LRMDA: variants seen among roughly 807,000 people sequenced by gnomAD.
LRMDA encodes the protein leucine rich melanocyte differentiation associated, also known as leucine-rich melanocyte differentiation-associated protein.
LRMDA carries 18 observed loss-of-function variants against 29.8 expected under a neutral mutation model. The observed-to-expected ratio is 0.60, with a 90% CI of 0.42 to 0.90. The LOEUF is 0.90. Ranked by LOEUF, LRMDA falls within the 40% of genes least tolerant of loss-of-function variation. The pLI, the probability that LRMDA is intolerant of heterozygous loss-of-function variation, is 0.00. For synonymous variants in LRMDA, 125 were observed against 109.4 expected, an observed-to-expected ratio of 1.14 and a Z score of -0.89; for missense variants, 273 against 273.9, an observed-to-expected ratio of 1.00 and a Z score of 0.02.
intron 2 of LRMDA, among the ~76,000 whole-genome samples, chr10:75,727,974 G>A (rs1044803921): frequency 1.3e-5 from 2 of 152,120 alleles, no homozygotes; most frequent in Non-Finnish European, 2.9e-5. Context: ...AGGGAAAAAG[G>A]GAAAGAGAAC....
chr10:76,555,085 A>G (rs1843539672), intron 6 of LRMDA, among the ~76,000 whole-genome samples: 3 of 152,152 alleles, frequency 2.0e-5, no homozygotes, highest in Non-Finnish European at 4.4e-5. Flanking sequence ...ATTATGTTTA[A>G]GGAAGCCCTC....
chr10:76,181,443 G>T (rs532206412), intron 5 of LRMDA, among the ~76,000 whole-genome samples: 4 of 152,332 alleles, frequency 2.6e-5, no homozygotes, highest in Non-Finnish European at 4.4e-5. Context: ...CGTCCGAGTT[G>T]CTCATGAGCA....
intron 2 of LRMDA, among the ~76,000 whole-genome samples, chr10:76,001,694 A>G (rs2132469546): frequency 6.6e-6 from 1 of 151,512 alleles, no homozygotes; most frequent in African/African-American, 2.4e-5. Context: ...TTTTTATTTC[A>G]CATTTTAGAG....
chr10:75,606,164 G>A (rs188006302), intron 2 of LRMDA, among the ~76,000 whole-genome samples: 12 of 150,974 alleles, frequency 7.9e-5, no homozygotes. Context: ...GGCCAACCCT[G>A]TTTTCTAATG....
chr10:75,598,647 G>T (rs530149653), intron 2 of LRMDA, among the ~76,000 whole-genome samples: 2 of 152,208 alleles, frequency 1.3e-5, no homozygotes, highest in Admixed American at 6.5e-5. Context: ...ATTTGGTGTG[G>T]TTCAGATCGT....
chr10:76,409,408 C>A (rs972405847), intron 6 of LRMDA, among the ~76,000 whole-genome samples: 6 of 152,130 alleles, frequency 3.9e-5, no homozygotes, highest in Non-Finnish European at 8.8e-5. Context: ...ACCTCTGGCA[C>A]AAATGAGTTA....
chr10:76,422,968 A>G (rs1842085835), intron 6 of LRMDA, among the ~76,000 whole-genome samples: 2 of 152,264 alleles, frequency 1.3e-5, no homozygotes, highest in Non-Finnish European at 2.9e-5. Context: ...TCCTGCCCAC[A>G]AGTGGGCAAA....
At chr10:75,442,174 C>A (rs140468612) in intron 2 of LRMDA, among the ~76,000 whole-genome samples, 1 of 152,344 alleles carries the variant, frequency 6.6e-6, no homozygotes, top group East Asian at 1.9e-4. Flanking sequence ...CTGTAGCATA[C>A]AACATGATGT....
At chr10:76,095,760 T>G (rs1350041695) in intron 5 of LRMDA, among the ~76,000 whole-genome samples, 3 of 152,258 alleles carry the variant, frequency 2.0e-5, no homozygotes, top group Non-Finnish European at 4.4e-5. Context: ...TTGCATTTTC[T>G]TAATGACTAA....
At chr10:75,634,538 T>A (rs1320897289) in intron 2 of LRMDA, among the ~76,000 whole-genome samples, 1 of 152,150 alleles carries the variant, frequency 6.6e-6, no homozygotes, top group African/African-American at 2.4e-5. Flanking sequence ...AGGTGACCAG[T>A]CCTCACCTGG....
chr10:76,227,713 A>G (rs1851986078), intron 5 of LRMDA, among the ~76,000 whole-genome samples: 1 of 152,220 alleles, frequency 6.6e-6, no homozygotes, highest in Non-Finnish European at 1.5e-5. Context: ...ATAGTCTCTC[A>G]TAGTATGTCC....
intron 5 of LRMDA, among the ~76,000 whole-genome samples, chr10:76,315,597 A>G (rs1840683780): frequency 1.8e-5 from 2 of 109,284 alleles, no homozygotes; most frequent in East Asian, 2.0e-4. Flanking sequence ...TTTGGGCGTC[A>G]GTGAGCGCAG....
chr10:75,490,374 C>G (rs1844972460), intron 2 of LRMDA, among the ~76,000 whole-genome samples: 1 of 146,818 alleles, frequency 6.8e-6, no homozygotes, highest in Non-Finnish European at 1.5e-5. Context: ...CACACACACA[C>G]AGAGTCAACT....
chr10:75,892,860 A>G (rs561166092), intron 2 of LRMDA, among the ~76,000 whole-genome samples: 16 of 152,300 alleles, frequency 1.1e-4, no homozygotes, highest in African/African-American at 3.8e-4. Flanking sequence ...TATAGAGCTC[A>G]TCTGGCCAAA....
chr10:76,271,409 GA>G lies in LRMDA; in HGVS notation c.517-52980del, dbSNP rs771344640. On this transcript the variant is annotated intron_variant, in intron 5 of 6. Transcript: ENST00000611255. Reference sequence around the variant, plus strand: ...GGCAGCAGAGTTAGACCCTGTCTTGGAAAAAAAAAAAATTCCTACCTTATAA... The same window carrying G: ...GGCAGCAGAGTTAGACCCTGTCTTGGAAAAAAAAAAATTCCTACCTTATAA... Among the ~76,000 whole-genome samples the G allele has an allele frequency of 8.4e-3, 1,201 of 142,206 alleles. 44 individuals are homozygous for G. In the East Asian group the frequency reaches 0.13, roughly 15 times the overall value. 93.3% of individuals were successfully genotyped at this position (142,206 alleles called of 152,430 possible). A position where few individuals can be genotyped will look rare whatever the true frequency, so the allele number is the denominator to read the frequency against.
intron 6 of LRMDA, among the ~76,000 whole-genome samples, chr10:76,365,115 C>CACACACACACAT (rs1841377130): frequency 1.9e-5 from 1 of 53,158 alleles, no homozygotes; most frequent in Non-Finnish European, 6.2e-5. Flanking sequence ...TATACACACA[C>CACACACACACAT]ACACATACAC....
chr10:76,422,284 A>G (rs1161887458), intron 6 of LRMDA, among the ~76,000 whole-genome samples: 1 of 152,046 alleles, frequency 6.6e-6, no homozygotes, highest in Non-Finnish European at 1.5e-5. Flanking sequence ...ACTCTCCCCA[A>G]GATCTTATCC....
intron 2 of LRMDA, among the ~76,000 whole-genome samples, chr10:75,646,462 A>G (rs1203819046): frequency 6.6e-6 from 1 of 152,156 alleles, no homozygotes; most frequent in African/African-American, 2.4e-5. Context: ...ATCATATGAA[A>G]CGTCAAAATT....
Position 76,411,714 on chromosome 10 carries a change from C to T in LRMDA, c.601+87229C>T, listed in dbSNP as rs577107453. Among the ~76,000 whole-genome samples, 30 of 152,326 alleles carry T rather than the reference C, an allele frequency of 2.0e-4. No homozygotes were observed. In the Middle Eastern group the frequency reaches 0.01, roughly 52 times the overall value. On this transcript the variant is annotated intron_variant, in intron 6 of 6. Transcript: ENST00000611255. The stretch of plus-strand genomic sequence containing the variant: ...TGGAGGTAGAGAGAAGTGAATGCAA[C>T]GGTGCCAGCAGTGGGGGATGGAGCC...
Sources: gnomAD v4.1 joint callset for allele counts (sites outside exome capture counted in the v4.1 genomes callset) on GRCh38, gnomAD v4.1.1 for gene constraint, MANE v1.5 for transcripts, NCBI Gene and HGNC (gene_info 2026-07-23, HGNC 2026-07-21) for gene names.